HACL2: variants seen among roughly 807,000 people sequenced by gnomAD.
HACL2 encodes the protein 2-hydroxyacyl-CoA lyase 1 like.
chr19:15,117,797 C>T, the HACL2 span: 1 of 1,549,076 alleles, frequency 6.5e-7, no homozygotes, highest in Non-Finnish European at 8.9e-7. Context: ...ATCACTGTAC[C>T]AGGCTCAAGC....
At chr19:15,116,053 C>T in the HACL2 span, 1 of 1,613,966 alleles carries the variant, frequency 6.2e-7, no homozygotes, top group South Asian at 1.1e-5. Flanking sequence ...TGCACCAACT[C>T]CCAGAGTCCC....
the HACL2 span, among the ~76,000 whole-genome samples, chr19:15,121,353 T>C: frequency 6.6e-6 from 1 of 152,300 alleles, no homozygotes; most frequent in Non-Finnish European, 1.5e-5. Context: ...CCTGACTACC[T>C]TGTCCACTGA....
chr19:15,124,766 G>C, the HACL2 span: 1 of 976,788 alleles, frequency 1.0e-6, no homozygotes, highest in Non-Finnish European at 1.5e-6. Flanking sequence ...ACACAGCGTG[G>C]CAATGGAGAC....
chr19:15,125,209 G>C, the HACL2 span: 7 of 825,932 alleles, frequency 8.5e-6, no homozygotes, highest in African/African-American at 1.0e-4. Context: ...AACCCTGCCA[G>C]ACCACGCCCT....
chr19:15,124,544 G>A, the HACL2 span: 1 of 251,570 alleles, frequency 4.0e-6, no homozygotes, highest in Non-Finnish European at 7.7e-6. Flanking sequence ...ACTGAGCTCA[G>A]CAGAGGGCAA....
chr19:15,117,755 C>G, the HACL2 span: 1 of 982,124 alleles, frequency 1.0e-6, no homozygotes, highest in Non-Finnish European at 1.5e-6. Context: ...CTCTGGTTGA[C>G]TGGCTACCCC....
At chr19:15,120,850 C>T in the HACL2 span, among the ~76,000 whole-genome samples, 1 of 151,694 alleles carries the variant, frequency 6.6e-6, no homozygotes, top group African/African-American at 2.4e-5. Flanking sequence ...GAGGATTGCT[C>T]GAGGCCAGGA....
chr19:15,123,748 C>T, the HACL2 span: 1 of 605,908 alleles, frequency 1.7e-6, no homozygotes, highest in Non-Finnish European at 2.9e-6. This position sits in a 1 kb window ranked among gnomAD's most constrained non-coding sequence, Gnocchi z 5.1. Flanking sequence ...CAAACCAAGG[C>T]ATAACATCTT....
the HACL2 span, chr19:15,122,626 T>G: frequency 1.5e-6 from 2 of 1,307,314 alleles, no homozygotes; most frequent in Non-Finnish European, 2.2e-6. This position sits in a 1 kb window ranked among gnomAD's most constrained non-coding sequence, Gnocchi z 4.0. Context: ...GGAGGATGGG[T>G]GTGGGCTGGA....
At chr19:15,125,115 C>G in the HACL2 span, 1 of 1,467,106 alleles carries the variant, frequency 6.8e-7, no homozygotes, top group African/African-American at 1.4e-5. Context: ...GACAGGGAAC[C>G]TCTCCGGAAG....
the HACL2 span, chr19:15,118,003 TCA>T: frequency 5.0e-6 from 8 of 1,614,112 alleles, no homozygotes; most frequent in African/African-American, 1.3e-5. Context: ...TAGGCGGAAG[TCA>T]CACACAGTTC....
chr19:15,119,873 A>G, the HACL2 span: 33 of 750,730 alleles, frequency 4.4e-5, no homozygotes, highest in Non-Finnish European at 6.8e-5. Flanking sequence ...TTGAGTCGCC[A>G]TGAGCACCCA....
At chr19:15,115,590 C>A in the HACL2 span, 1 of 1,613,648 alleles carries the variant, frequency 6.2e-7, no homozygotes, top group East Asian at 2.2e-5. Context: ...CCACAGGCCA[C>A]GTTGCTGCCC....
At chr19:15,117,959 T>C in the HACL2 span, 13 of 1,614,034 alleles carry the variant, frequency 8.1e-6, no homozygotes, top group Admixed American at 1.7e-5. Flanking sequence ...ACGATGATGA[T>C]CTTGCTGCTG....
At chr19:15,116,274 A>T in the HACL2 span, 1 of 1,613,936 alleles carries the variant, frequency 6.2e-7, no homozygotes, top group Non-Finnish European at 8.5e-7. Flanking sequence ...CAGCTGCAGC[A>T]CCTGCACTGG....
chr19:15,115,113 C>A, the HACL2 span: 2 of 960,172 alleles, frequency 2.1e-6, no homozygotes, highest in East Asian at 2.5e-5. Flanking sequence ...AGATTTGACC[C>A]CTCCATCCCC....
At chr19:15,116,095 G>A in the HACL2 span, 1 of 1,613,418 alleles carries the variant, frequency 6.2e-7, no homozygotes, top group Non-Finnish European at 8.5e-7. Flanking sequence ...GAGCAGGTGG[G>A]TGTGAAGGCG....
chr19:15,120,845 T>C, the HACL2 span, among the ~76,000 whole-genome samples: 2 of 151,994 alleles, frequency 1.3e-5, no homozygotes, highest in African/African-American at 2.4e-5. Context: ...GGCAGGAGGA[T>C]TGCTCGAGGC....
the HACL2 span, chr19:15,115,573 G>C: frequency 6.2e-7 from 1 of 1,612,992 alleles, no homozygotes; most frequent in South Asian, 1.1e-5. Flanking sequence ...CACCAGTGTA[G>C]GCCAGGCCAC....
Sources: gnomAD v4.1 joint callset for allele counts (sites outside exome capture counted in the v4.1 genomes callset) on GRCh38, gnomAD v4.1.1 for gene constraint, Gnocchi (gnomAD v3.1) non-coding constraint, MANE v1.5 for transcripts, NCBI Gene and HGNC (gene_info 2026-07-23, HGNC 2026-07-21) for gene names.